The following NPAS1 variants were observed in gnomAD, a reference collection of about 807,000 sequenced individuals.
NPAS1 encodes the protein neuronal PAS domain-containing protein 1.
In NPAS1, 29 loss-of-function variants were observed where a neutral mutation model predicts 49.2. The ratio of observed to expected loss-of-function variants is 0.59; its 90% confidence interval spans 0.44 to 0.80. The LOEUF is 0.80. Among genes scored for constraint, NPAS1 ranks in the 30% least tolerant of loss-of-function variants. The probability of loss-of-function intolerance (pLI) is 0.00; values close to 1 mark genes in which losing one functional copy is unlikely to be tolerated. For synonymous variants in NPAS1, 408 were observed against 380.4 expected, an observed-to-expected ratio of 1.07 and a Z score of -0.84; for missense variants, 825 against 835.5, an observed-to-expected ratio of 0.99 and a Z score of 0.15.
intron 3 of NPAS1, among the ~76,000 whole-genome samples, chr19:47,028,078 AG>A (rs2056885354): frequency 6.6e-6 from 1 of 151,922 alleles, no homozygotes; most frequent in African/African-American, 2.4e-5. Flanking sequence ...CAGGTCCCCA[AG>A]CCCCCCCACC....
intron 8 of NPAS1, 68 bp downstream of exon 8, chr19:47,039,632 TC>T: frequency 6.8e-7 from 1 of 1,477,944 alleles, no homozygotes; most frequent in Non-Finnish European, 9.1e-7. Flanking sequence ...ACATGGGGAG[TC>T]AGAGGGAGTG....
At chr19:47,032,488 C>A in intron 4 of NPAS1, 137 bp downstream of exon 4, 2 of 1,096,742 alleles carry the variant, frequency 1.8e-6, no homozygotes, top group South Asian at 2.7e-5. Context: ...GATCCCTCCA[C>A]TCCCTGCCCC....
rs900800087 is a variant in NPAS1 at position 47,039,475 on chromosome 19, C to T, written c.873C>T (p.Pro291=). ...TTGTGGCCCTCGGGCACACGTTGCC[C>T]CCGGCCCCCCTGGCTGAGCTGCCAC... The part of the protein sequence containing the change: ...LGLVALGHTL[P]PAPLAELPLH... The change falls in exon 8 of 12, where the codon CCC becomes CCT. Residue 291 remains proline, a synonymous_variant. Coordinates refer to ENST00000602212, the MANE Select transcript of NPAS1 (RefSeq NM_002517.4). 8 of 1,610,808 alleles carry T rather than the reference C, an allele frequency of 5.0e-6. No individual in the cohort carries two copies. The highest frequency in any genetic ancestry group is 5.9e-6 in the Non-Finnish European group (7 of 1,179,034).
intron 3 of NPAS1, among the ~76,000 whole-genome samples, chr19:47,031,571 T>TGC: frequency 7.3e-6 from 1 of 136,110 alleles, no homozygotes; most frequent in African/African-American, 2.8e-5. Context: ...CGCACTGTCA[T>TGC]CCAGGCTGGA....
At chr19:47,037,016 GCTGCA>G (rs2056963167) in intron 6 of NPAS1, among the ~76,000 whole-genome samples, 2 of 148,592 alleles carry the variant, frequency 1.3e-5, no homozygotes, top group South Asian at 4.2e-4. Flanking sequence ...AGATCACGTT[GCTGCA>G]CTCCAGCCCG....
intron 8 of NPAS1, 139 bp downstream of exon 8, chr19:47,039,703 C>T: frequency 4.1e-6 from 4 of 981,066 alleles, no homozygotes; most frequent in Non-Finnish European, 5.9e-6. Flanking sequence ...ATGGATGGGA[C>T]AGGGTGATGG....
At chr19:47,031,404 C>T (rs2056904431) in intron 3 of NPAS1, among the ~76,000 whole-genome samples, 2 of 151,818 alleles carry the variant, frequency 1.3e-5, no homozygotes, top group South Asian at 2.1e-4. Flanking sequence ...CACCATGTTG[C>T]CCAGGCTGGT....
At chr19:47,045,073 A>C (rs1406608683) in intron 11 of NPAS1, 118 bp from the exon 12 acceptor site, 13 of 957,826 alleles carry the variant, frequency 1.4e-5, no homozygotes, top group African/African-American at 5.2e-5. Flanking sequence ...AACAAAAAAA[A>C]AAACCCCACT....
rs2056838879 is a variant in NPAS1, at chr19:47,021,217, A to G, written c.122+48A>G. On this transcript the variant is annotated intron_variant, in intron 2 of 11. Transcript: ENST00000602212. This position sits in a 1 kb window ranked among gnomAD's most constrained non-coding sequence, Gnocchi z 5.7. ...GGCCGCGGGCCCCCCCCCGGGTCCA[A>G]TTCACACCCGATGTTCTGTCCCCGT... 1 of 1,451,674 alleles carries G rather than the reference A, an allele frequency of 6.9e-7. No individual in the cohort carries two copies. The highest frequency in any genetic ancestry group is 1.4e-5 in the South Asian group (1 of 72,802). 89.9% of individuals were successfully genotyped at this position (1,451,674 alleles called of 1,614,324 possible).
chr19:47,030,196 A>G (rs531805120), intron 3 of NPAS1, among the ~76,000 whole-genome samples: 1 of 151,620 alleles, frequency 6.6e-6, no homozygotes, highest in African/African-American at 2.4e-5. Context: ...GCTAATTTTT[A>G]TATTTTTAGT....
At chr19:47,030,859 C>T (rs562784419) in intron 3 of NPAS1, among the ~76,000 whole-genome samples, 2 of 151,926 alleles carry the variant, frequency 1.3e-5, no homozygotes, top group South Asian at 4.2e-4. Flanking sequence ...TGGCTGGTCT[C>T]GAACTCCTGA....
At chr19:47,026,233 C>T (rs1267907199) in intron 3 of NPAS1, among the ~76,000 whole-genome samples, 3 of 152,210 alleles carry the variant, frequency 2.0e-5, no homozygotes, top group Non-Finnish European at 2.9e-5. Context: ...GCCACTGGGC[C>T]CAGCCAAGGA....
intron 3 of NPAS1, among the ~76,000 whole-genome samples, chr19:47,031,194 T>TGTG (rs386365581): frequency 3.0e-4 from 38 of 126,494 alleles, no homozygotes; most frequent in South Asian, 8.8e-4. Flanking sequence ...TGTGTGTGTG[T>TGTG]TTTTTTTTTT....
intron 3 of NPAS1, among the ~76,000 whole-genome samples, chr19:47,028,611 C>A (rs939972413): frequency 1.2e-4 from 19 of 152,280 alleles, no homozygotes; most frequent in Non-Finnish European, 1.2e-4. Context: ...TGGGGAGTCA[C>A]CGCTCCTGGC....
intron 7 of NPAS1, 37 bp downstream of exon 7, chr19:47,039,188 G>C (rs1249875439): frequency 6.4e-7 from 1 of 1,558,374 alleles, no homozygotes; most frequent in African/African-American, 1.4e-5. Flanking sequence ...ATTCCAGGCA[G>C]CCATGTCCCC....
At chr19:47,026,484 C>A (rs532342439) in intron 3 of NPAS1, among the ~76,000 whole-genome samples, 7 of 152,234 alleles carry the variant, frequency 4.6e-5, no homozygotes, top group African/African-American at 1.7e-4. Context: ...ACGTGGTGGT[C>A]CAGCCAGGGC....
intron 5 of NPAS1, among the ~76,000 whole-genome samples, chr19:47,033,111 T>A (rs1456338824): frequency 6.6e-6 from 1 of 151,050 alleles, no homozygotes; most frequent in African/African-American, 2.4e-5. Flanking sequence ...TAACTTTTTG[T>A]ATTTTTAGTA....
chr19:47,023,049 C>T (rs2056851048), intron 3 of NPAS1, among the ~76,000 whole-genome samples: 1 of 152,214 alleles, frequency 6.6e-6, no homozygotes, highest in African/African-American at 2.4e-5. Flanking sequence ...TCCCCTCCTG[C>T]CCCGTCCCAG....
In NPAS1 at chr19:47,021,376, A is replaced by G. The variant is rs1325846586; in HGVS notation, c.122+207A>G. ...TCCCGGTCCTCAGAATTCACGCCCA[A>G]CATCTTTAATCTCTCGCCCTTCCTC... On this transcript the variant is annotated intron_variant, in intron 2 of 11. Transcript: ENST00000602212. This position sits in a 1 kb window ranked among gnomAD's most constrained non-coding sequence, Gnocchi z 5.7. Among the ~76,000 whole-genome samples, 6 of 152,126 alleles carry G rather than the reference A, an allele frequency of 3.9e-5. No individual in the cohort carries two copies. Among genetic ancestry groups the G allele is most frequent in the African/African-American group, 1.4e-4 (6 of 41,430 alleles).
Sources: gnomAD v4.1 joint callset for allele counts (sites outside exome capture counted in the v4.1 genomes callset) on GRCh38, gnomAD v4.1.1 for gene constraint, Gnocchi (gnomAD v3.1) non-coding constraint, MANE v1.5 for transcripts, NCBI Gene and HGNC (gene_info 2026-07-23, HGNC 2026-07-21) for gene names.